TP63: variants seen among roughly 807,000 people sequenced by gnomAD.
TP63 encodes tumor protein p63.
A neutral mutation model predicts 82.8 loss-of-function variants in TP63; 17 were observed. That is an observed-to-expected ratio of 0.21 (90% CI 0.14 to 0.31). The LOEUF is 0.31. Among genes scored for constraint, TP63 ranks in the 10% least tolerant of loss-of-function variants. The pLI is 1.00. For synonymous variants in TP63, 330 were observed against 321.7 expected (o/e 1.03, Z -0.28); for missense variants, 648 against 895.3 (o/e 0.72, Z 3.52).
At chr3:189,770,556 C>T (rs1037948599) in intron 3 of TP63, among the ~76,000 whole-genome samples, 4 of 141,428 alleles carry the variant, frequency 2.8e-5, no homozygotes, top group African/African-American at 1.1e-4. Flanking sequence ...CAGAGCAAGA[C>T]TCCGTCTCAA....
chr3:189,600,552 G>A, the TP63 span, among the ~76,000 whole-genome samples: 2 of 152,164 alleles, frequency 1.3e-5, no homozygotes, highest in South Asian at 4.1e-4. Context: ...GTAAGTATCA[G>A]AGGTGAAAGT....
At chr3:189,627,989 A>G (rs749426784), upstream of TP63, among the ~76,000 whole-genome samples, 1 of 152,146 alleles carries the variant, frequency 6.6e-6, no homozygotes, top group Non-Finnish European at 1.5e-5. Context: ...TAAACATGTT[A>G]TTCATCCATT....
At chr3:189,763,312 A>G (rs907014804) in intron 3 of TP63, among the ~76,000 whole-genome samples, 5 of 152,170 alleles carry the variant, frequency 3.3e-5, no homozygotes, top group African/African-American at 4.8e-5. Context: ...CTGCTGGGCT[A>G]TATTACTTTA....
chr3:189,652,780 C>G lies in TP63; in HGVS notation c.62+21203C>G, dbSNP rs538803707. Among the ~76,000 whole-genome samples, 233 of 146,566 alleles carry G rather than the reference C, an allele frequency of 1.6e-3. 13 individuals are homozygous for G. Among genetic ancestry groups the G allele is most frequent in the Admixed American group, 9.2e-3 (138 of 14,922 alleles). On this transcript the variant is annotated intron_variant, in intron 1 of 13. Coordinates refer to ENST00000264731, the MANE Select transcript of TP63 (RefSeq NM_003722.5). The stretch of plus-strand genomic sequence containing the variant: ...TGGGAGCAGTTTCCCCCATCCTGTT[C>G]TCATGATAGTGAGTTTGTTTTCATG...
intron 1 of TP63, among the ~76,000 whole-genome samples, chr3:189,724,621 T>A (rs1442864880): frequency 6.6e-6 from 1 of 152,232 alleles, no homozygotes; most frequent in African/African-American, 2.4e-5. Context: ...TGACATTCTC[T>A]AATAATTTCT....
chr3:189,825,773 C>T (rs1230860249), intron 4 of TP63, among the ~76,000 whole-genome samples: 1 of 152,154 alleles, frequency 6.6e-6, no homozygotes, highest in Non-Finnish European at 1.5e-5. Context: ...GCTAATGCAT[C>T]TTCTTAAATC....
chr3:189,836,975 C>T (rs1376933023), intron 4 of TP63, among the ~76,000 whole-genome samples: 2 of 152,176 alleles, frequency 1.3e-5, no homozygotes, highest in African/African-American at 4.8e-5. Context: ...GTGTTATTCT[C>T]ACTTCTCACA....
chr3:189,813,351 T>A (rs773265040), intron 4 of TP63, among the ~76,000 whole-genome samples: 58 of 152,320 alleles, frequency 3.8e-4, no homozygotes, highest in Non-Finnish European at 6.3e-4. Flanking sequence ...TGGGAGTTGC[T>A]GGTGAGGGAA....
chr3:189,856,862 G>A (rs1045972070), intron 4 of TP63, among the ~76,000 whole-genome samples: 12 of 152,002 alleles, frequency 7.9e-5, no homozygotes, highest in African/African-American at 2.9e-4. Context: ...ACATTTCTGA[G>A]TAAAATTAAA....
intron 3 of TP63, among the ~76,000 whole-genome samples, chr3:189,756,246 AAAC>A (rs1191933690): frequency 6.6e-6 from 1 of 152,202 alleles, no homozygotes; most frequent in Non-Finnish European, 1.5e-5. Context: ...AATATTAATT[AAAC>A]AAGTAAGAAA....
chr3:189,730,699 G>A (rs1720100731), intron 1 of TP63, among the ~76,000 whole-genome samples: 1 of 152,122 alleles, frequency 6.6e-6, no homozygotes, highest in African/African-American at 2.4e-5. Context: ...ATCCCAGTTT[G>A]ATCACAGTTG....
intron 8 of TP63, 118 bp downstream of exon 8, chr3:189,868,834 G>A (rs886969284): frequency 1.0e-5 from 16 of 1,527,900 alleles, no homozygotes; most frequent in Non-Finnish European, 1.4e-5. Context: ...CAAGTGGGAC[G>A]TCAGCCCTCA....
chr3:189,840,323 GT>G (rs552610064), intron 4 of TP63, among the ~76,000 whole-genome samples: 295 of 126,102 alleles, frequency 2.3e-3, no homozygotes, highest in Middle Eastern at 5.0e-3. Context: ...TGTTTTAGGA[GT>G]TAAGGAATTG....
intron 4 of TP63, among the ~76,000 whole-genome samples, chr3:189,820,882 C>G (rs539560898): frequency 6.6e-5 from 10 of 152,132 alleles, no homozygotes; most frequent in African/African-American, 2.4e-4. Flanking sequence ...CTTCAGTTTT[C>G]TTTTTAGGAG....
chr3:189,706,899 A>AATC (rs1718244143), intron 1 of TP63, among the ~76,000 whole-genome samples: 1 of 152,180 alleles, frequency 6.6e-6, no homozygotes, highest in Non-Finnish European at 1.5e-5. Flanking sequence ...CAGGAGAAAC[A>AATC]ATCTTCAGCA....
intron 3 of TP63, among the ~76,000 whole-genome samples, chr3:189,775,264 TG>T (rs1347496778): frequency 1.3e-5 from 2 of 151,260 alleles, no homozygotes; most frequent in African/African-American, 2.4e-5. Flanking sequence ...AGAAAAAAAT[TG>T]ACTTGTAAAC....
chr3:189,671,537 G>T (rs887397334), intron 1 of TP63, among the ~76,000 whole-genome samples: 2 of 151,904 alleles, frequency 1.3e-5, no homozygotes, highest in African/African-American at 4.8e-5. Flanking sequence ...CTACTACAGG[G>T]TATTTATTCA....
intron 4 of TP63, among the ~76,000 whole-genome samples, chr3:189,841,993 G>A (rs1714190671): frequency 6.6e-6 from 1 of 152,194 alleles, no homozygotes. Flanking sequence ...AACAAAGTAA[G>A]AGCTGAGGAA....
chr3:189,612,277 GAGA>G, the TP63 span, among the ~76,000 whole-genome samples: 3 of 151,950 alleles, frequency 2.0e-5, no homozygotes, highest in Non-Finnish European at 4.4e-5. Flanking sequence ...GGGAAGCACC[GAGA>G]AGAAGGTTAC....
Sources: gnomAD v4.1 joint callset for allele counts (sites outside exome capture counted in the v4.1 genomes callset) on GRCh38, gnomAD v4.1.1 for gene constraint, MANE v1.5 for transcripts, NCBI Gene and HGNC (gene_info 2026-07-23, HGNC 2026-07-21) for gene names.